The following PDE5A variants were observed in gnomAD, a reference collection of about 807,000 sequenced individuals.
PDE5A encodes the protein phosphodiesterase 5A.
A neutral mutation model predicts 110.2 loss-of-function variants in PDE5A; 67 were observed. That is an observed-to-expected ratio of 0.61 (90% CI 0.50 to 0.75). The LOEUF is 0.75. Ranked by LOEUF, PDE5A falls within the 30% of genes least tolerant of loss-of-function variation. PDE5A has a pLI of 0.00. For missense variants in PDE5A, 862 were observed against 1,045.1 expected (o/e 0.82, Z 2.42); for synonymous variants, 328 against 351.2 (o/e 0.93, Z 0.74).
chr4:119,553,872 A>G, intron 7 of PDE5A, 126 bp from the exon 8 acceptor site: 2 of 582,598 alleles, frequency 3.4e-6, no homozygotes, highest in Non-Finnish European at 6.1e-6. Flanking sequence ...CTTATTTGGA[A>G]AATGTAGCTT....
chr4:119,505,833 TAAAG>T lies in PDE5A; in HGVS notation c.2267+18_2267+21del, dbSNP rs1426677343. 7.1e-7 allele frequency: 1 copy of T among 1,401,736 alleles called. No homozygotes were observed. The highest frequency in any genetic ancestry group is 2.4e-5 in the East Asian group (1 of 41,616). 86.8% of individuals were successfully genotyped at this position (1,401,736 alleles called of 1,614,324 possible). A position where few individuals can be genotyped will look rare whatever the true frequency, so the allele number is the denominator to read the frequency against. ...TTAACTGGGTAAAAAACTTCAGCTT[TAAAG>T]ATAGTAAACCTACTTACAAAAACAA... On this transcript the variant is annotated intron_variant, in intron 17 of 20. Coordinates refer to ENST00000354960, the MANE Select transcript of PDE5A (RefSeq NM_001083.4).
chr4:119,539,059 A>C, intron 10 of PDE5A, 40 bp from the exon 11 acceptor site: 1 of 1,447,642 alleles, frequency 6.9e-7, no homozygotes, highest in Non-Finnish European at 9.7e-7. Flanking sequence ...CACAGGAGAG[A>C]ACTACCACAT....
intron 1 of PDE5A, among the ~76,000 whole-genome samples, chr4:119,623,030 T>TA (rs1228935052): frequency 6.8e-6 from 1 of 146,346 alleles, no homozygotes; most frequent in Non-Finnish European, 1.5e-5. Context: ...ATTAAGCACT[T>TA]ACATTGCAAA....
chr4:119,542,365 G>A (rs1726959933), intron 10 of PDE5A, 94 bp downstream of exon 10: 3 of 1,152,482 alleles, frequency 2.6e-6, no homozygotes, highest in Non-Finnish European at 3.7e-6. Context: ...AGGACACAAT[G>A]ACGGAACACA....
intron 12 of PDE5A, among the ~76,000 whole-genome samples, chr4:119,521,693 A>T (rs552481510): frequency 2.8e-4 from 41 of 148,962 alleles, no homozygotes; most frequent in African/African-American, 8.6e-4. Context: ...AGAAGTAATT[A>T]AAAAAAAAAT....
At chr4:119,543,427 T>C (rs1727019861) in intron 9 of PDE5A, 1 of 152,032 alleles carries the variant, frequency 6.6e-6, no homozygotes, top group Non-Finnish European at 1.5e-5. Context: ...TGTCTCTGAG[T>C]ATATAATAAC....
chr4:119,605,075 T>C (rs577780023), intron 2 of PDE5A, among the ~76,000 whole-genome samples: 1 of 152,276 alleles, frequency 6.6e-6, no homozygotes, highest in East Asian at 1.9e-4. Context: ...CAAAGCACAA[T>C]TTAAATCATA....
rs557609766 is a variant in PDE5A at position 119,521,820 on chromosome 4, A to G, written c.1780-760T>C. On this transcript the variant is annotated intron_variant, in intron 12 of 20. Coordinates refer to ENST00000354960, the MANE Select transcript of PDE5A (RefSeq NM_001083.4). ...TAATTCAACTTCTAAGTGGTGTATTAAATAAAATCCCCAGAGACTCATGGG... is the reference window on the plus strand; with the variant it reads ...TAATTCAACTTCTAAGTGGTGTATTGAATAAAATCCCCAGAGACTCATGGG... Among the ~76,000 whole-genome samples, 20 of 152,180 alleles carry G rather than the reference A, an allele frequency of 1.3e-4. No individual in the cohort carries two copies. The South Asian group carries it at 3.9e-3, about 30-fold the overall frequency.
At chr4:119,508,802 C>A (rs1293635530) in intron 15 of PDE5A, among the ~76,000 whole-genome samples, 2 of 151,842 alleles carry the variant, frequency 1.3e-5, no homozygotes, top group African/African-American at 4.8e-5. Flanking sequence ...TTTTTACTCT[C>A]AAAAGCTGAG....
chr4:119,523,500 G>A (rs1400057170), intron 12 of PDE5A, among the ~76,000 whole-genome samples: 2 of 151,952 alleles, frequency 1.3e-5, no homozygotes, highest in Admixed American at 6.6e-5. Context: ...AACAGAAGAG[G>A]CACTAAGGAA....
chr4:119,560,726 C>T (rs1028961375), intron 6 of PDE5A, among the ~76,000 whole-genome samples: 1 of 152,096 alleles, frequency 6.6e-6, no homozygotes, highest in East Asian at 1.9e-4. Context: ...GTTGTTAAAT[C>T]CCAGGTAAAG....
rs532755042 is a variant in PDE5A, at chr4:119,563,526, G to T, written c.994-556C>A. The stretch of plus-strand genomic sequence containing the variant: ...AAGTATTACCAAAAACTTAGTGGAG[G>T]TGACGCTATCCTAGCTGAGGTCTGA... On this transcript the variant is annotated intron_variant, in intron 5 of 20. Coordinates refer to ENST00000354960, the MANE Select transcript of PDE5A (RefSeq NM_001083.4). Among the ~76,000 whole-genome samples the T allele has an allele frequency of 2.0e-4, 31 of 152,230 alleles. No individual in the cohort carries two copies. The South Asian group carries it at 6.4e-3, about 32-fold the overall frequency.
At chr4:119,565,180 A>G (rs531137664) in intron 5 of PDE5A, 141 bp downstream of exon 5, 1 of 620,638 alleles carries the variant, frequency 1.6e-6, no homozygotes, top group East Asian at 2.9e-5. Flanking sequence ...GGAAATACAA[A>G]TGACTACTAG....
chr4:119,541,328 CAT>C (rs1726920351), intron 10 of PDE5A, among the ~76,000 whole-genome samples: 1 of 151,198 alleles, frequency 6.6e-6, no homozygotes, highest in Non-Finnish European at 1.5e-5. Flanking sequence ...ATAATAAACA[CAT>C]ATATAGATAT....
intron 1 of PDE5A, 139 bp downstream of exon 1, chr4:119,628,381 T>C: frequency 1.7e-6 from 1 of 589,608 alleles, no homozygotes; most frequent in Non-Finnish European, 2.9e-6. Flanking sequence ...TGTGCTCGCT[T>C]AGAGTTGAGG....
At chr4:119,503,158 C>A (rs540674174) in intron 18 of PDE5A, among the ~76,000 whole-genome samples, 80 of 152,056 alleles carry the variant, frequency 5.3e-4, no homozygotes, top group Non-Finnish European at 8.5e-4. Context: ...ATGTCTGTTT[C>A]ATGAGATGAG....
intron 19 of PDE5A, chr4:119,502,321 G>T (rs1347328413): frequency 3.2e-5 from 9 of 282,848 alleles, no homozygotes; most frequent in Middle Eastern, 1.1e-3. Flanking sequence ...ATGAAAAGTG[G>T]TTTCTAATAC....
chr4:119,618,426 A>T (rs1315392306), intron 1 of PDE5A, among the ~76,000 whole-genome samples: 1 of 152,156 alleles, frequency 6.6e-6, no homozygotes, highest in Non-Finnish European at 1.5e-5. Flanking sequence ...GGTATTTCAT[A>T]TTAAAATAAA....
At chr4:119,530,858 G>A (rs1292670268) in intron 11 of PDE5A, among the ~76,000 whole-genome samples, 2 of 152,026 alleles carry the variant, frequency 1.3e-5, no homozygotes, top group Non-Finnish European at 2.9e-5. Flanking sequence ...CCAATATGTT[G>A]TGGTACATGC....
Sources: gnomAD v4.1 joint callset for allele counts (sites outside exome capture counted in the v4.1 genomes callset) on GRCh38, gnomAD v4.1.1 for gene constraint, MANE v1.5 for transcripts, NCBI Gene and HGNC (gene_info 2026-07-23, HGNC 2026-07-21) for gene names.